PRLR: variants seen among roughly 807,000 people sequenced by gnomAD.
The protein encoded by PRLR is hPRL receptor.
A neutral mutation model predicts 40.2 loss-of-function variants in PRLR; 13 were observed. That is an observed-to-expected ratio of 0.32 (90% confidence interval 0.21 to 0.51). The LOEUF is 0.51. Among genes scored for constraint, PRLR ranks in the 20% least tolerant of loss-of-function variants. The probability of loss-of-function intolerance (pLI) is 0.97; values close to 1 mark genes in which losing one functional copy is unlikely to be tolerated. For missense variants in PRLR, 656 were observed against 747.3 expected (o/e 0.88, Z 1.42); for synonymous variants, 269 against 278.7 (o/e 0.97, Z 0.35).
At position 35,064,499 on chromosome 5, in the gene PRLR, A is replaced by G. The variant is rs1381817878; in HGVS notation, c.*590T>C. 1 of 152,680 alleles carries G rather than the reference A, an allele frequency of 6.5e-6. No homozygotes were observed. The highest frequency in any genetic ancestry group is 1.5e-5 in the Non-Finnish European group (1 of 68,066). 9.5% of individuals were successfully genotyped at this position (152,680 alleles called of 1,614,324 possible). A position where few individuals can be genotyped will look rare whatever the true frequency, so the allele number is the denominator to read the frequency against. On this transcript the variant is annotated 3_prime_UTR_variant, in exon 10 of 10. Coordinates refer to ENST00000618457, the MANE Select transcript of PRLR (RefSeq NM_000949.7). The stretch of plus-strand genomic sequence containing the variant: ...ATGCTTAACATATCTAAACTATTTT[A>G]AGAAAAAATTGGAGGCATTATTTCT...
In PRLR at chr5:35,099,234, G is replaced by A. The variant is rs117847585; in HGVS notation, c.-43-9571C>T. 1.1e-4 allele frequency among the ~76,000 whole-genome samples: 17 copies of A among 152,240 alleles called. No homozygotes were observed. In the East Asian group the frequency reaches 2.1e-3, roughly 19 times the overall value. On this transcript the variant is annotated intron_variant, in intron 2 of 9. Transcript: ENST00000618457. ...GTGGGTAGAAATAACACACAGTAAC[G>A]CACTGAATGACAAACTTTGCCCACT... is the stretch of plus-strand genomic sequence containing the variant.
At chr5:35,091,714 G>C (rs1032005869) in intron 2 of PRLR, among the ~76,000 whole-genome samples, 5 of 152,164 alleles carry the variant, frequency 3.3e-5, no homozygotes, top group Non-Finnish European at 5.9e-5. Flanking sequence ...AGCCGAGAGA[G>C]GCCTTCTCAG....
At chr5:35,201,695 AGTTCT>A (rs1325955711) in intron 1 of PRLR, among the ~76,000 whole-genome samples, 2 of 105,470 alleles carry the variant, frequency 1.9e-5, no homozygotes, top group African/African-American at 5.9e-5. Context: ...AGATACTTTT[AGTTCT>A]CTTCTCTTCT....
intron 2 of PRLR, among the ~76,000 whole-genome samples, chr5:35,104,169 T>C (rs151038227): frequency 1.2e-3 from 182 of 152,252 alleles, no homozygotes; most frequent in African/African-American, 4.0e-3. Context: ...TGCCTCTAAA[T>C]GGCAGCCTTC....
At chr5:35,106,563 C>A (rs1023477026) in intron 2 of PRLR, among the ~76,000 whole-genome samples, 1 of 152,084 alleles carries the variant, frequency 6.6e-6, no homozygotes, top group Non-Finnish European at 1.5e-5. Context: ...CAAAGAAAAG[C>A]AGGAGTTGTA....
At chr5:35,096,778 G>T (rs1388516408) in intron 2 of PRLR, among the ~76,000 whole-genome samples, 1 of 151,946 alleles carries the variant, frequency 6.6e-6, no homozygotes, top group Non-Finnish European at 1.5e-5. Context: ...GCACCATCAC[G>T]CCTGGCTAAT....
At chr5:35,108,336 C>A (rs554036679) in intron 2 of PRLR, among the ~76,000 whole-genome samples, 2 of 152,270 alleles carry the variant, frequency 1.3e-5, no homozygotes, top group South Asian at 4.1e-4. Context: ...CCCTCTCTCA[C>A]CACTCCTATT....
intron 1 of PRLR, among the ~76,000 whole-genome samples, chr5:35,208,177 G>GCACACACA (rs1281536944): frequency 1.7e-4 from 15 of 87,242 alleles, no homozygotes; most frequent in African/African-American, 4.7e-4. Context: ...CCACGCGCGC[G>GCACACACA]CACACACACA....
In PRLR at chr5:35,186,512, G is replaced by C. The variant is rs923731368; in HGVS notation, c.-106+43756C>G. Among the ~76,000 whole-genome samples the C allele has an allele frequency of 1.1e-4, 16 of 152,166 alleles. 1 individual carries two copies. The highest frequency in any genetic ancestry group is 2.4e-4 in the African/African-American group (10 of 41,428). ...GGCATATCTTCTTCACCCAGAGAAG[G>C]CATTTATGCCTTATTGAGGCCTCAG... On this transcript the variant is annotated intron_variant, in intron 1 of 9. Coordinates refer to ENST00000618457, the MANE Select transcript of PRLR (RefSeq NM_000949.7).
intron 1 of PRLR, among the ~76,000 whole-genome samples, chr5:35,124,027 A>G (rs1773377646): frequency 6.6e-6 from 1 of 152,194 alleles, no homozygotes; most frequent in Non-Finnish European, 1.5e-5. Context: ...GAAGACAAGG[A>G]GAAGTTAAGA....
At chr5:35,165,803 T>C (rs2111922852) in intron 1 of PRLR, among the ~76,000 whole-genome samples, 1 of 152,300 alleles carries the variant, frequency 6.6e-6, no homozygotes, top group African/African-American at 2.4e-5. Context: ...GTTGAAAAGT[T>C]TGAGAAATTA....
At chr5:35,149,910 G>A (rs1774290972) in intron 1 of PRLR, among the ~76,000 whole-genome samples, 1 of 151,878 alleles carries the variant, frequency 6.6e-6, no homozygotes, top group Non-Finnish European at 1.5e-5. Context: ...CCAGGCTGGA[G>A]TGCAATGGCG....
chr5:35,054,377 A>G (rs1389769215), downstream of PRLR, among the ~76,000 whole-genome samples: 1 of 152,194 alleles, frequency 6.6e-6, no homozygotes, highest in Non-Finnish European at 1.5e-5. Flanking sequence ...TTGCATAGTC[A>G]TTTATGGCAG....
exon 9 of PRLR, chr5:35,048,980 A>C (rs1297043956): frequency 2.4e-6 from 1 of 413,862 alleles, no homozygotes; most frequent in Non-Finnish European, 4.8e-6. Flanking sequence ...CATCCTTCAC[A>C]AACACCTGCA....
chr5:35,145,563 G>A (rs1245979120), intron 1 of PRLR, among the ~76,000 whole-genome samples: 1 of 152,158 alleles, frequency 6.6e-6, no homozygotes, highest in Non-Finnish European at 1.5e-5. Flanking sequence ...GGATTTCCAT[G>A]GCTTTCTCTA....
intron 2 of PRLR, among the ~76,000 whole-genome samples, chr5:35,116,026 CT>C (rs1772994181): frequency 6.6e-6 from 1 of 152,136 alleles, no homozygotes; most frequent in Non-Finnish European, 1.5e-5. Flanking sequence ...CATGCAACTG[CT>C]TTCAAGTTCC....
At chr5:35,099,730 A>G (rs249530) in intron 2 of PRLR, among the ~76,000 whole-genome samples, 8,485 of 152,216 alleles carry the variant, frequency 0.056, 556 homozygotes, top group East Asian at 0.18. Flanking sequence ...GCTAATGTGA[A>G]TGTTTGTGTC....
chr5:35,164,008 A>G (rs1257683986), intron 1 of PRLR, among the ~76,000 whole-genome samples: 2 of 152,228 alleles, frequency 1.3e-5, no homozygotes, highest in Admixed American at 6.5e-5. Context: ...TACTGAAAAC[A>G]TGTGGCTGAA....
intron 1 of PRLR, among the ~76,000 whole-genome samples, chr5:35,213,218 G>A (rs1351786033): frequency 6.6e-6 from 1 of 152,196 alleles, no homozygotes; most frequent in Non-Finnish European, 1.5e-5. Flanking sequence ...ATTGTGGGAA[G>A]TTTTACATTT....
Sources: allele counts gnomAD v4.1 joint callset (sites outside exome capture counted in the v4.1 genomes callset), GRCh38; gene constraint gnomAD v4.1.1; transcripts MANE v1.5; gene names NCBI Gene and HGNC (gene_info 2026-07-23, HGNC 2026-07-21).